Variants in STS observed in about 807,000 individuals in gnomAD.
STS encodes steryl-sulfatase.
Under a neutral mutation model 26.8 loss-of-function variants are expected in STS, and 7 were observed. That is an observed-to-expected ratio of 0.26 (90% CI 0.15 to 0.49). The LOEUF (loss-of-function observed/expected upper bound fraction) is 0.49, where lower values mean the gene tolerates loss of function less well. Among genes scored for constraint, STS ranks in the 20% least tolerant of loss-of-function variants. STS has a pLI of 0.98. For missense variants in STS, 434 were observed against 465.6 expected (o/e 0.93, Z 0.63); for synonymous variants, 199 against 189.4 (o/e 1.05, Z -0.42).
chrX:7,195,538 A>G (rs1165175876), intron 2 of STS, among the ~76,000 whole-genome samples: 2 of 112,588 alleles, frequency 1.8e-5, no homozygotes, highest in Non-Finnish European at 3.7e-5. Flanking sequence ...ATGTTTTAAA[A>G]CATAGTGTAT....
At chrX:7,279,035 G>C (rs1924676365) in intron 7 of STS, among the ~76,000 whole-genome samples, 1 of 110,461 alleles carries the variant, frequency 9.1e-6, no homozygotes, top group Admixed American at 9.7e-5. Context: ...CAGGCATGGG[G>C]GCTCACACCT....
chrX:7,225,916 G>T (rs1921783435), intron 2 of STS, among the ~76,000 whole-genome samples: 1 of 112,320 alleles, frequency 8.9e-6, no homozygotes, highest in Non-Finnish European at 1.9e-5. Context: ...AGAGGAGAAT[G>T]TTGGATGTAG....
intron 2 of STS, among the ~76,000 whole-genome samples, chrX:7,204,875 C>G (rs779767929): frequency 2.0e-4 from 21 of 107,538 alleles, no homozygotes; most frequent in African/African-American, 6.8e-4. Flanking sequence ...CCCTTTTTTT[C>G]CTTCCTTTCC....
chrX:7,190,993 T>G lies in STS; in HGVS notation c.-20T>G, dbSNP rs1035080834. On this transcript the variant is annotated 5_prime_UTR_variant, in exon 2 of 11. Coordinates refer to ENST00000674429, the MANE Select transcript of STS (RefSeq NM_001320752.2). ...CTGAGGACAATGGCGCAAGATCGTC[T>G]TCAGCTGTTCATAGCGTAAGTATGA... The G allele has an allele frequency of 1.3e-6, 1 of 751,652 alleles. No homozygotes were observed. Among genetic ancestry groups the G allele is most frequent in the African/African-American group, 2.3e-5 (1 of 42,927 alleles). The allele number at this position is 751,652 out of a possible 1,213,427, so 61.9% of individuals were successfully genotyped here. A position where few individuals can be genotyped will look rare whatever the true frequency, so the allele number is the denominator to read the frequency against.
rs1038364168 is a variant in STS at position 7,252,242 on chromosome X, T to A, written c.-4-954T>A. On this transcript the variant is annotated intron_variant, in intron 2 of 10. Transcript: ENST00000674429. Reference sequence around the variant, plus strand: ...AGCCACAGAGACTTGGTTCTGGAAGTATTTGAGAGTAAGAACCTGGCTCAA... The same window carrying A: ...AGCCACAGAGACTTGGTTCTGGAAGAATTTGAGAGTAAGAACCTGGCTCAA... 20 of 739,947 alleles carry A rather than the reference T, an allele frequency of 2.7e-5. No individual in the cohort carries two copies. The African/African-American group carries it at 4.7e-4, about 17-fold the overall frequency. The allele number at this position is 739,947 out of a possible 1,213,427, so 61.0% of individuals were successfully genotyped here. A position where few individuals can be genotyped will look rare whatever the true frequency, so the allele number is the denominator to read the frequency against.
chrX:7,276,890 T>A (rs1413417497), intron 7 of STS, among the ~76,000 whole-genome samples: 1 of 112,256 alleles, frequency 8.9e-6, no homozygotes, highest in Non-Finnish European at 1.9e-5. Flanking sequence ...GAAGCTTTGT[T>A]TAAGTTAAAA....
At chrX:7,241,189 G>A (rs1420383025) in intron 2 of STS, among the ~76,000 whole-genome samples, 1 of 111,786 alleles carries the variant, frequency 8.9e-6, no homozygotes, top group Non-Finnish European at 1.9e-5. Context: ...CATATTACCT[G>A]AGTGGCTCTC....
intron 2 of STS, among the ~76,000 whole-genome samples, chrX:7,237,213 C>CAA (rs59873673): frequency 0.4 from 31,114 of 77,896 alleles, 4,623 homozygotes; most frequent in Non-Finnish European, 0.45. Flanking sequence ...AAGATTTGCT[C>CAA]AAAAAAAAAA....
chrX:7,233,202 T>A (rs949479833), intron 2 of STS, among the ~76,000 whole-genome samples: 1 of 104,937 alleles, frequency 9.5e-6, no homozygotes, highest in Non-Finnish European at 1.9e-5. Context: ...CAAGCAATTC[T>A]CCTGCCTCAG....
At chrX:7,194,321 C>T (rs1933931708) in intron 2 of STS, among the ~76,000 whole-genome samples, 1 of 111,263 alleles carries the variant, frequency 9.0e-6, no homozygotes, top group Admixed American at 9.6e-5. Context: ...AATGCAAAAT[C>T]TGAAAAATAT....
chrX:7,169,228 T>C (rs1209211368), intron 1 of STS, among the ~76,000 whole-genome samples: 3 of 111,717 alleles, frequency 2.7e-5, no homozygotes, highest in Non-Finnish European at 5.6e-5. Flanking sequence ...AGTAGAATTA[T>C]ACACCCTGTG....
intron 2 of STS, among the ~76,000 whole-genome samples, chrX:7,196,274 T>A (rs1601643314): frequency 8.9e-6 from 1 of 111,836 alleles, no homozygotes; most frequent in East Asian, 2.8e-4. Context: ...TTTCAGTTGG[T>A]GCCTTCTCCA....
At chrX:7,349,315 CCTTTTTTTTTTTTTTTT>C (rs1240252582) in intron 10 of STS, among the ~76,000 whole-genome samples, 5 of 20,287 alleles carry the variant, frequency 2.5e-4, no homozygotes, top group East Asian at 1.8e-3. Context: ...TCATTTAATT[CCTTTTTTTTTTTTTTTT>C]TTTTTTTTTT....
At chrX:7,263,038 A>C (rs5933830) in intron 6 of STS, among the ~76,000 whole-genome samples, 1 of 110,952 alleles carries the variant, frequency 9.0e-6, no homozygotes, top group Non-Finnish European at 1.9e-5. Flanking sequence ...ATGAGATTAT[A>C]ATGGAGCTGC....
chrX:7,169,354 A>G (rs752360383), intron 1 of STS, among the ~76,000 whole-genome samples: 28 of 112,359 alleles, frequency 2.5e-4, no homozygotes, highest in Non-Finnish European at 3.4e-4. Flanking sequence ...CATGGTGTTT[A>G]AGGTCCATCC....
At chrX:7,148,193 CCTT>C in intron 1 of STS, 110 bp downstream of exon 1, 1 of 627,534 alleles carries the variant, frequency 1.6e-6, no homozygotes, top group Non-Finnish European at 2.3e-6. Flanking sequence ...GCACTGAGGA[CCTT>C]CTCGCGCGCC....
At chrX:7,213,044 G>T (rs143940415) in intron 2 of STS, among the ~76,000 whole-genome samples, 4,643 of 111,282 alleles carry the variant, frequency 0.042, 235 homozygotes, top group African/African-American at 0.14. Context: ...AGCCTCAAGC[G>T]ATCCTCCTTC....
intron 8 of STS, among the ~76,000 whole-genome samples, chrX:7,324,727 G>T (rs977180449): frequency 9.0e-6 from 1 of 111,414 alleles, no homozygotes; most frequent in Admixed American, 9.5e-5. Context: ...CTGAACTAGT[G>T]TTTCAGGTTA....
chrX:7,152,526 C>T (rs1297975523), intron 1 of STS, among the ~76,000 whole-genome samples: 3 of 111,657 alleles, frequency 2.7e-5, no homozygotes, highest in African/African-American at 9.8e-5. Flanking sequence ...ACCATGTTGG[C>T]CAGGCTAGTC....
Sources: gnomAD v4.1 joint callset for allele counts (sites outside exome capture counted in the v4.1 genomes callset) on GRCh38, gnomAD v4.1.1 for gene constraint, MANE v1.5 for transcripts, NCBI Gene and HGNC (gene_info 2026-07-23, HGNC 2026-07-21) for gene names.